Variants in VRK3 observed in about 807,000 individuals in gnomAD.
The protein encoded by VRK3 is serine/threonine-protein kinase VRK3.
VRK3 carries 50 observed loss-of-function variants against 60.4 expected under a neutral mutation model. That is an observed-to-expected ratio of 0.83 (90% CI 0.66 to 1.05). VRK3 has a LOEUF of 1.05. VRK3 is among the 50% of genes least tolerant of loss of function. The probability of loss-of-function intolerance (pLI) is 0.00; values close to 1 mark genes in which losing one functional copy is unlikely to be tolerated. For missense variants in VRK3, 549 were observed against 585.3 expected, an observed-to-expected ratio of 0.94 and a Z score of 0.64; for synonymous variants, 246 against 227.8, an observed-to-expected ratio of 1.08 and a Z score of -0.72.
At chr19:49,998,279 G>C (rs2076739687) in intron 6 of VRK3, 1 of 152,200 alleles carries the variant, frequency 6.6e-6, no homozygotes, top group South Asian at 2.1e-4. Context: ...TTGAGGTTAG[G>C]AGTTCTAGAC....
chr19:50,002,619 C>CT (rs2076826833), intron 5 of VRK3, among the ~76,000 whole-genome samples: 1 of 152,170 alleles, frequency 6.6e-6, no homozygotes, highest in South Asian at 2.1e-4. Context: ...TTATAAAAAG[C>CT]TTTTCTCTTT....
At chr19:49,987,248 T>C (rs568368816) in intron 12 of VRK3, among the ~76,000 whole-genome samples, 103 of 152,316 alleles carry the variant, frequency 6.8e-4, no homozygotes, top group Non-Finnish European at 1.3e-3. Flanking sequence ...TCCTTGGTGC[T>C]GAACTCATAC....
chr19:50,016,065 C>T lies in VRK3; in HGVS notation c.98G>A (p.Gly33Glu), dbSNP rs1240114938. 1.5e-5 allele frequency: 24 copies of T among 1,614,094 alleles called. No homozygotes were observed. Among genetic ancestry groups the T allele is most frequent in the Non-Finnish European group, 2.0e-5 (24 of 1,180,036 alleles). Residue 33 changes from glycine (G) to glutamate (E), a missense_variant, in exon 3 of 15, where the codon GGG becomes GAG. Gly to Glu is a moderately conservative substitution (Grantham distance 98). Coordinates refer to ENST00000316763, the MANE Select transcript of VRK3 (RefSeq NM_016440.4). ...GNSLPVEEHVGSQTFVNPHVS... is the reference protein window; with the variant it reads ...GNSLPVEEHVESQTFVNPHVS... ...ATGTGGATTGACAAAGGTCTGGGAC[C>T]CTACATGCTCCTCTACAGGCAAAGA...
Position 49,989,647 on chromosome 19 carries a change from T to G in VRK3, c.1088A>C (p.Lys363Thr), listed in dbSNP as rs750544556. The change falls in exon 11 of 15, where the codon AAG (lysine) becomes ACG (threonine). Residue 363 changes from lysine to threonine, a missense_variant. Transcript: ENST00000316763. ...CATCCCTGGCCTCGTACCGCATCCCTTGTGCAGGTCCATGCTAATGAACTC... is the reference window on the plus strand; with the variant it reads ...CATCCCTGGCCTCGTACCGCATCCCGTGTGCAGGTCCATGCTAATGAACTC... ...DLEFISMDLH[K>T]GCGPSRRSDL... 2.2e-5 allele frequency: 35 copies of G among 1,610,064 alleles called. No individual in the cohort carries two copies. The South Asian group carries it at 3.8e-4, about 17-fold the overall frequency.
intron 8 of VRK3, 25 bp from the exon 9 acceptor site, chr19:49,994,944 G>A (rs2076675758): frequency 6.2e-7 from 1 of 1,605,906 alleles, no homozygotes; most frequent in Non-Finnish European, 8.5e-7. Flanking sequence ...CACCCCAGGA[G>A]GTGGGAGATG....
At chr19:49,979,356 T>C in intron 13 of VRK3, 114 bp from the exon 14 acceptor site, 2 of 1,438,710 alleles carry the variant, frequency 1.4e-6, no homozygotes, top group Non-Finnish European at 1.9e-6. Flanking sequence ...CATGAGGGTC[T>C]CAGCAAAAGT....
At chr19:50,023,178 CTG>C (rs2077198603) in intron 1 of VRK3, among the ~76,000 whole-genome samples, 1 of 152,142 alleles carries the variant, frequency 6.6e-6, no homozygotes, top group African/African-American at 2.4e-5. Context: ...CACGATTTTA[CTG>C]TGTTTTTTCT....
chr19:50,003,929 C>T (rs1339135431), intron 5 of VRK3, among the ~76,000 whole-genome samples: 1 of 152,218 alleles, frequency 6.6e-6, no homozygotes, highest in Non-Finnish European at 1.5e-5. Flanking sequence ...CAACCGGGCA[C>T]AGTGCTCACG....
At chr19:49,983,014 G>A (rs1156328939) in intron 12 of VRK3, among the ~76,000 whole-genome samples, 1 of 152,064 alleles carries the variant, frequency 6.6e-6, no homozygotes, top group Non-Finnish European at 1.5e-5. Context: ...TGGATCTGGG[G>A]CCAGCTCAGC....
intron 5 of VRK3, among the ~76,000 whole-genome samples, chr19:50,006,406 C>A (rs1198916965): frequency 6.6e-6 from 1 of 151,078 alleles, no homozygotes; most frequent in African/African-American, 2.4e-5. Context: ...GACGGAGTCT[C>A]GCTCTGTCAC....
intron 6 of VRK3, 156 bp downstream of exon 6, chr19:50,000,634 G>T: frequency 2.5e-6 from 2 of 803,606 alleles, no homozygotes; most frequent in Non-Finnish European, 2.0e-6. Context: ...ATGGAGAACT[G>T]GGCGCCTGCC....
Position 50,007,830 on chromosome 19 carries a change from C to A in VRK3, c.290-4G>T, listed in dbSNP as rs750890390. On this transcript the variant is annotated splice_polypyrimidine_tract_variant and splice_region_variant and intron_variant, in intron 4 of 14. Coordinates refer to ENST00000316763, the MANE Select transcript of VRK3 (RefSeq NM_016440.4). The stretch of plus-strand genomic sequence containing the variant: ...GTTGGGGGTCTGCTCCCGGAGCCTG[C>A]AGGAGGATGTAAGAATAAAGTAAAA... The A allele has an allele frequency of 6.2e-6, 10 of 1,614,012 alleles. No homozygotes were observed. The East Asian group carries it at 2.2e-4, about 36-fold the overall frequency.
In VRK3 at chr19:49,980,944, T is replaced by A. The variant is rs764982128; in HGVS notation, c.1276+11A>T. 5 of 1,607,236 alleles carry A rather than the reference T, an allele frequency of 3.1e-6. No homozygotes were observed. In the South Asian group the frequency reaches 5.6e-5, roughly 18 times the overall value. ...GAGTCCCCGCCTGTTCCCGCTCCCT[T>A]CAGGACGTACCTGAGGGCCTGATCC... On this transcript the variant is annotated intron_variant, in intron 13 of 14. Transcript: ENST00000316763.
chr19:49,989,901 T>C (rs2076581179), intron 10 of VRK3, 130 bp from the exon 11 acceptor site: 1 of 1,093,858 alleles, frequency 9.1e-7, no homozygotes, highest in Non-Finnish European at 1.2e-6. Flanking sequence ...AACTAAGGCA[T>C]GCTCATAGTA....
chr19:49,997,646 T>G lies in VRK3; in HGVS notation c.613-76A>C, dbSNP rs548690252. On this transcript the variant is annotated intron_variant, in intron 6 of 14. Transcript: ENST00000316763. ...AGGGCCCCCAGTCCCCACTGGCAAT[T>G]TGTTACTCCCTCAATGACCAGGCTC... The G allele has an allele frequency of 2.0e-6, 3 of 1,531,858 alleles. No homozygotes were observed. In the African/African-American group the frequency reaches 4.1e-5, roughly 21 times the overall value. 94.9% of individuals were successfully genotyped at this position (1,531,858 alleles called of 1,614,324 possible).
At position 49,988,314 on chromosome 19, in the gene VRK3, TCCACCTGCAGGGGTTCTGCTGA is replaced by T. The variant is rs201067979; in HGVS notation, c.1217+36_1217+57del. 9.9e-3 allele frequency: 15,663 copies of T among 1,576,862 alleles called. 1,341 individuals carry two copies. In the African/African-American group the frequency reaches 0.18, roughly 18 times the overall value. On this transcript the variant is annotated intron_variant, in intron 12 of 14. Transcript: ENST00000316763. ...CTCCCAGTTGGGCTCTGGGCTTCTG[TCCACCTGCAGGGGTTCTGCTGA>T]CCACCTGCAGGGGTTCTGCTGACCC... is the stretch of plus-strand genomic sequence containing the variant.
At chr19:49,985,308 G>A (rs1355572186) in intron 12 of VRK3, among the ~76,000 whole-genome samples, 3 of 152,168 alleles carry the variant, frequency 2.0e-5, no homozygotes, top group African/African-American at 7.2e-5. Flanking sequence ...GTAAAAATAA[G>A]CTCCAAGAAA....
In VRK3 at chr19:50,009,391, G is replaced by A. The variant is rs1309464406; in HGVS notation, c.140-6C>T. On this transcript the variant is annotated splice_region_variant and splice_polypyrimidine_tract_variant and intron_variant, in intron 3 of 14. Coordinates refer to ENST00000316763, the MANE Select transcript of VRK3 (RefSeq NM_016440.4). ...GTTCAGCCCTCTCTTTGAGCCTAAA[G>A]AAAGGCAGACAAAATGCAGACTGGA... 2 of 1,613,054 alleles carry A rather than the reference G, an allele frequency of 1.2e-6. No homozygotes were observed. Among genetic ancestry groups the A allele is most frequent in the South Asian group, 2.2e-5 (2 of 90,996 alleles).
At chr19:49,987,286 T>TGTCCCTGGTGCTGAACCCAC (rs1366227370) in intron 12 of VRK3, among the ~76,000 whole-genome samples, 1 of 152,164 alleles carries the variant, frequency 6.6e-6, no homozygotes, top group Non-Finnish European at 1.5e-5. Flanking sequence ...TGTGCTCCGC[T>TGTCCCTGGTGCTGAACCCAC]GTCCCTGGTG....
Sources: allele counts gnomAD v4.1 joint callset (sites outside exome capture counted in the v4.1 genomes callset), GRCh38; gene constraint gnomAD v4.1.1; transcripts MANE v1.5; gene names NCBI Gene and HGNC (gene_info 2026-07-23, HGNC 2026-07-21).